LSR: variants seen among roughly 807,000 people sequenced by gnomAD.
The protein encoded by LSR is lipolysis-stimulated lipoprotein receptor.
In LSR, 44 loss-of-function variants were observed where a neutral mutation model predicts 61.8. The ratio of observed to expected loss-of-function variants is 0.71; its 90% confidence interval spans 0.56 to 0.91. LSR has a LOEUF of 0.91. LSR is among the 40% of genes least tolerant of loss of function. The pLI is 0.00. For synonymous variants in LSR, 397 were observed against 350.6 expected, an observed-to-expected ratio of 1.13 and a Z score of -1.48; for missense variants, 911 against 830.5, an observed-to-expected ratio of 1.10 and a Z score of -1.19.
At chr19:35,263,899 C>CG (rs2065963653) in intron 5 of LSR, 1 of 152,006 alleles carries the variant, frequency 6.6e-6, no homozygotes, top group African/African-American at 2.4e-5. Context: ...CTCCGCCCCC[C>CG]GGGTTTAAGC....
chr19:35,250,289 C>T (rs763408450), intron 1 of LSR, 26 bp from the exon 2 acceptor site: 5 of 1,474,890 alleles, frequency 3.4e-6, no homozygotes, highest in Non-Finnish European at 4.6e-6. Context: ...CACAGCAACC[C>T]TTGCTGTCTC....
At position 35,267,575 on chromosome 19, in the gene LSR, C is replaced by T. The variant is rs534234580; in HGVS notation, c.1611C>T (p.Pro537=). 1.9e-6 allele frequency: 3 copies of T among 1,612,332 alleles called. No homozygotes were observed. The highest frequency in any genetic ancestry group is 2.7e-5 in the African/African-American group (2 of 75,048). Residue 537 remains proline (P), a synonymous_variant, in exon 9 of 10, where the codon CCC becomes CCT. Transcript: ENST00000605618. ...RDNGSRSGDL[P]YDGRLLEEAV... ...ACGGCTCCAGGTCCGGGGACCTCCC[C>T]TATGATGGGCGGCTACTGGAGGAGG...
rs112196604 is a variant in LSR at position 35,267,524 on chromosome 19, C to T, written c.1560C>T (p.His520=). Residue 520 remains histidine (H), a synonymous_variant, in exon 9 of 10, where the codon CAC becomes CAT. Coordinates refer to ENST00000605618, the MANE Select transcript of LSR (RefSeq NM_205834.4). ...ERPPADPRSH[H]HRTRDPRDNG... is the part of the protein sequence containing the mutation. ...CTCCTGCCGACCCCAGGTCCCACCA[C>T]CACCGTACCCGGGACCCTCGGGACA... 2 of 1,612,064 alleles carry T rather than the reference C, an allele frequency of 1.2e-6. No individual in the cohort carries two copies. The highest frequency in any genetic ancestry group is 1.7e-6 in the Non-Finnish European group (2 of 1,179,782).
intron 5 of LSR, 48 bp downstream of exon 5, chr19:35,262,740 CCAAGGGAAG>C: frequency 6.3e-7 from 1 of 1,594,874 alleles, no homozygotes; most frequent in South Asian, 1.1e-5. Context: ...CATCCTGCAT[CCAAGGGAAG>C]GAGGTGGCCA....
intron 5 of LSR, among the ~76,000 whole-genome samples, chr19:35,265,152 C>T (rs1377365101): frequency 6.6e-6 from 1 of 152,202 alleles, no homozygotes; most frequent in Non-Finnish European, 1.5e-5. Flanking sequence ...CCATCCCCTC[C>T]CTCTTGTTGT....
intron 5 of LSR, chr19:35,264,327 TGA>T (rs1271964469): frequency 6.6e-6 from 1 of 152,094 alleles, no homozygotes; most frequent in African/African-American, 2.4e-5. Flanking sequence ...CCTAACTCTA[TGA>T]GAGGAGTCAG....
intron 5 of LSR, chr19:35,263,050 C>T (rs1357622566): frequency 6.0e-5 from 11 of 184,056 alleles, no homozygotes; most frequent in African/African-American, 1.2e-4. Flanking sequence ...GAGGCCAAGA[C>T]GAGTGGATCA....
rs1055861066 is a variant in LSR, at chr19:35,267,924, T to C, written c.*65T>C. On this transcript the variant is annotated 3_prime_UTR_variant, in exon 10 of 10. Transcript: ENST00000605618. ...ATTTGAAGGAACACTGATGAAGCCC[T>C]GCCATACCCCTCCCGAGTCTAATAA... 1.5e-5 allele frequency: 23 copies of C among 1,538,910 alleles called. No homozygotes were observed. In the African/African-American group the frequency reaches 2.7e-4, roughly 18 times the overall value.
chr19:35,257,327 A>G (rs896426365), intron 2 of LSR, among the ~76,000 whole-genome samples: 27 of 152,254 alleles, frequency 1.8e-4, no homozygotes, highest in African/African-American at 6.0e-4. Context: ...CCCAGCCCAC[A>G]GGGGGACAGT....
At chr19:35,266,245 G>C in intron 5 of LSR, 114 bp from the exon 6 acceptor site, 1 of 775,968 alleles carries the variant, frequency 1.3e-6, no homozygotes. Context: ...GCTCTACAGC[G>C]GAGAGGACGG....
rs1490504922 is a variant in LSR, at chr19:35,265,849, A to AT, written c.779-504dup. Among the ~76,000 whole-genome samples the AT allele has an allele frequency of 3.3e-5, 5 of 152,126 alleles. No homozygotes were observed. The East Asian group carries it at 9.7e-4, about 29-fold the overall frequency. On this transcript the variant is annotated intron_variant, in intron 5 of 9. Coordinates refer to ENST00000605618, the MANE Select transcript of LSR (RefSeq NM_205834.4). ...AGGACCCACGTCTCCCAGATGACTC[A>AT]TTTTTTCTAGAACAGGGGCTTGGCT...
intron 8 of LSR, 42 bp from the exon 9 acceptor site, chr19:35,267,067 C>A: frequency 4.6e-6 from 7 of 1,530,414 alleles, no homozygotes; most frequent in Non-Finnish European, 6.1e-6. Flanking sequence ...ACCCTGGACC[C>A]CGGGCTCCTC....
At position 35,266,453 on chromosome 19, in the gene LSR, A is replaced by G. The variant is rs2066000155; in HGVS notation, c.873A>G (p.Pro291=). 1 of 1,611,950 alleles carries G rather than the reference A, an allele frequency of 6.2e-7. No homozygotes were observed. Among genetic ancestry groups the G allele is most frequent in the Non-Finnish European group, 8.5e-7 (1 of 1,178,848 alleles). The change falls in exon 6 of 10, where the codon CCA becomes CCG. Residue 291 remains proline (P), a synonymous_variant. Transcript: ENST00000605618. ...TGTCTCCCGCCAAGACCCCACCCCCACCAGCTATGATTCCCATGGGCCCTG... is the reference window on the plus strand; with the variant it reads ...TGTCTCCCGCCAAGACCCCACCCCCGCCAGCTATGATTCCCATGGGCCCTG... ...AHLSPAKTPP[P]PAMIPMGPAY... is the part of the protein sequence containing the mutation.
At position 35,267,865 on chromosome 19, in the gene LSR, C is replaced by T; in HGVS notation, c.*6C>T. ...GGGAAAGTTTAGTCGTCTGATCTGA[C>T]GTTTTCTACGTAGCTTTTGTATTTT... On this transcript the variant is annotated 3_prime_UTR_variant, in exon 10 of 10. Coordinates refer to ENST00000605618, the MANE Select transcript of LSR (RefSeq NM_205834.4). 6.2e-7 allele frequency: 1 copy of T among 1,613,602 alleles called. No homozygotes were observed. Among genetic ancestry groups the T allele is most frequent in the Non-Finnish European group, 8.5e-7 (1 of 1,179,686 alleles).
At position 35,266,922 on chromosome 19, in the gene LSR, T is replaced by G; in HGVS notation, c.1099T>G (p.Phe367Val). The G allele has an allele frequency of 1.2e-6, 2 of 1,613,858 alleles. No homozygotes were observed. Among genetic ancestry groups the G allele is most frequent in the Non-Finnish European group, 1.7e-6 (2 of 1,179,904 alleles). The change falls in exon 8 of 10, where the codon TTC becomes GTC. Residue 367 changes from phenylalanine to valine, a missense_variant. By Grantham distance (50) the Phe-to-Val change is conservative (BLOSUM62 -1). Coordinates refer to ENST00000605618, the MANE Select transcript of LSR (RefSeq NM_205834.4). ...LYYMEKELAN[F>V]DPSRPGPPSG... The stretch of plus-strand genomic sequence containing the variant: ...CTACATGGAGAAGGAGCTGGCCAAC[T>G]TCGACCCTTCTCGACCTGGCCCCCC...
rs139226997 is a variant in LSR at position 35,266,695 on chromosome 19, C to G, written c.969C>G (p.Ser323=). Reference sequence around the variant, plus strand: ...CTCCCCCAGCTGGTGGCCAAGGCTCCTATGTACCCCTGCTTCGGGACACGG... The same window carrying G: ...CTCCCCCAGCTGGTGGCCAAGGCTCGTATGTACCCCTGCTTCGGGACACGG... The part of the protein sequence containing the change: ...DRSSSAGGQG[S]YVPLLRDTDS... The change falls in exon 7 of 10, where the codon TCC becomes TCG. Residue 323 remains serine, a synonymous_variant. Coordinates refer to ENST00000605618, the MANE Select transcript of LSR (RefSeq NM_205834.4). 3 of 1,608,986 alleles carry G rather than the reference C, an allele frequency of 1.9e-6. No individual in the cohort carries two copies. In the African/African-American group the frequency reaches 4.0e-5, roughly 21 times the overall value.
At chr19:35,254,282 G>A (rs77905552) in intron 2 of LSR, among the ~76,000 whole-genome samples, 3,142 of 152,320 alleles carry the variant, frequency 0.021, 89 homozygotes, top group East Asian at 0.07. Context: ...TTTTGGTAGA[G>A]ATGGGATTTC....
intron 2 of LSR, among the ~76,000 whole-genome samples, chr19:35,258,159 G>C (rs1304026266): frequency 6.6e-6 from 1 of 152,102 alleles, no homozygotes; most frequent in Non-Finnish European, 1.5e-5. Context: ...GAGAAGCACA[G>C]ACTGCTGGGT....
intron 2 of LSR, among the ~76,000 whole-genome samples, chr19:35,252,811 G>C (rs1218206585): frequency 6.6e-6 from 1 of 151,536 alleles, no homozygotes; most frequent in Admixed American, 6.6e-5. Flanking sequence ...CTAGGAGTTT[G>C]AGACCAGCCT....
Sources: allele counts gnomAD v4.1 joint callset (sites outside exome capture counted in the v4.1 genomes callset), GRCh38; gene constraint gnomAD v4.1.1; transcripts MANE v1.5; gene names NCBI Gene and HGNC (gene_info 2026-07-23, HGNC 2026-07-21).